Variants in QRICH2 observed in about 807,000 individuals in gnomAD.
QRICH2 encodes the protein glutamine rich 2, also known as glutamine-rich protein 2.
QRICH2 carries 119 observed loss-of-function variants against 168.3 expected under a neutral mutation model. The observed-to-expected ratio is 0.71, with a 90% CI of 0.61 to 0.82. The LOEUF (loss-of-function observed/expected upper bound fraction) is 0.82, where lower values mean the gene tolerates loss of function less well. QRICH2 is among the 40% of genes least tolerant of loss of function. The pLI is 0.00. For synonymous variants in QRICH2, 894 were observed against 951.2 expected (o/e 0.94, Z 1.11); for missense variants, 2,241 against 2,491.6 (o/e 0.90, Z 2.14).
chr17:76,307,859 C>G lies in QRICH2; in HGVS notation c.140G>C (p.Arg47Pro). 9.4e-6 allele frequency: 12 copies of G among 1,274,940 alleles called. No homozygotes were observed. The highest frequency in any genetic ancestry group is 1.2e-5 in the Non-Finnish European group (12 of 1,012,670). 79.0% of individuals were successfully genotyped at this position (1,274,940 alleles called of 1,614,324 possible). The change falls in exon 1 of 19, where the codon CGG becomes CCG. Residue 47 changes from arginine to proline, a missense_variant. This residue lies in a region of QRICH2 where 2,047 missense variants were observed against 2,303.8 expected (regional missense o/e 0.89). Transcript: ENST00000680821. This position sits in a 1 kb window ranked among gnomAD's most constrained non-coding sequence, Gnocchi z 5.3. ...MLKNLDLQNT[R>P]IDFQPSSPEP... Reference sequence around the variant, plus strand: ...GGGCGACGAGGGCTGGAAGTCGATCCGGGTATTTTGGAGGTCGAGGTTCTT... The same window carrying G: ...GGGCGACGAGGGCTGGAAGTCGATCGGGGTATTTTGGAGGTCGAGGTTCTT...
At chr17:76,283,077 C>T (rs1265362545) in intron 7 of QRICH2, among the ~76,000 whole-genome samples, 1 of 152,222 alleles carries the variant, frequency 6.6e-6, no homozygotes, top group African/African-American at 2.4e-5. Flanking sequence ...CCACGGCCTA[C>T]AGCTGCACAT....
Position 76,291,249 on chromosome 17 carries a change from A to G in QRICH2, c.3478T>C (p.Ser1160Pro). ...CCTTCTGATAAGACTCGGTCGACGGAGTCTGGACTCCTGAAAAGAGTGACA... is the reference window on the plus strand; with the variant it reads ...CCTTCTGATAAGACTCGGTCGACGGGGTCTGGACTCCTGAAAAGAGTGACA... ...QDVTLFRSPD[S>P]VDRVLSEGSE... The change falls in exon 4 of 19, where the codon TCC becomes CCC. Residue 1160 changes from serine to proline, a missense_variant. Physicochemically the swap from Ser to Pro is moderately conservative, Grantham distance 74 (BLOSUM62 -1). Transcript: ENST00000680821. The G allele has an allele frequency of 6.2e-7, 1 of 1,614,218 alleles. No homozygotes were observed. Among genetic ancestry groups the G allele is most frequent in the Non-Finnish European group, 8.5e-7 (1 of 1,180,038 alleles).
chr17:76,274,343 G>C, intron 18 of QRICH2, 83 bp from the exon 19 acceptor site: 1 of 1,416,434 alleles, frequency 7.1e-7, no homozygotes, highest in South Asian at 1.3e-5. Flanking sequence ...TGCCCAGGGA[G>C]GTTGAGAGCA....
At chr17:76,308,559 C>A, upstream of QRICH2, 4 of 903,296 alleles carry the variant, frequency 4.4e-6, no homozygotes, top group Non-Finnish European at 5.3e-6. Context: ...GAGTGGTGGC[C>A]CCATGTCTAT....
Position 76,307,791 on chromosome 17 carries a change from T to A in QRICH2, c.208A>T (p.Ile70Phe). Residue 70 changes from isoleucine (I) to phenylalanine (F), a missense_variant, in exon 1 of 19, where the codon ATC becomes TTC. By Grantham distance (21) the Ile-to-Phe change is conservative (BLOSUM62 0). Transcript: ENST00000680821. The surrounding 1 kb of genome is among the most constrained non-coding windows in gnomAD (Gnocchi z 5.3). ...TCCTTGGGCGCGGGCAGGTGCGGGA[T>A]GCTGAACGAGCTCCGGACGGACTGC... ...SLQSVRSSFSIPHLPAPKEVP... is the reference protein window; with the variant it reads ...SLQSVRSSFSFPHLPAPKEVP... 1 of 1,370,256 alleles carries A rather than the reference T, an allele frequency of 7.3e-7. No individual in the cohort carries two copies. Among genetic ancestry groups the A allele is most frequent in the Non-Finnish European group, 9.4e-7 (1 of 1,065,888 alleles). The allele number at this position is 1,370,256 out of a possible 1,614,324, so 84.9% of individuals were successfully genotyped here. A position where few individuals can be genotyped will look rare whatever the true frequency, so the allele number is the denominator to read the frequency against.
In QRICH2 at chr17:76,274,167, T is replaced by C. The variant is rs1456232694; in HGVS notation, c.5576A>G (p.Asn1859Ser). 6.3e-7 allele frequency: 1 copy of C among 1,583,450 alleles called. No homozygotes were observed. Among genetic ancestry groups the C allele is most frequent in the Non-Finnish European group, 8.5e-7 (1 of 1,170,360 alleles). The stretch of plus-strand genomic sequence containing the variant: ...GTCCACGTGCCTCTCCAGCCCCCTG[T>C]TTGCCACCGCGGCGGAGCTGGGCGG... Reference protein sequence around the residue: ...AHPPSSAAVANRGLERHVDMP... With the variant: ...AHPPSSAAVASRGLERHVDMP... The change falls in exon 19 of 19, where the codon AAC (asparagine) becomes AGC (serine). Residue 1859 changes from asparagine to serine, a missense_variant. Around this residue, in one of 3 missense-constraint regions of QRICH2, gnomAD observed 189 missense variants for 169.3 expected, o/e 1.12. Coordinates refer to ENST00000680821, the MANE Select transcript of QRICH2 (RefSeq NM_001388453.1).
chr17:76,306,356 G>T (rs996674789), intron 1 of QRICH2, among the ~76,000 whole-genome samples: 3 of 152,016 alleles, frequency 2.0e-5, no homozygotes, highest in Admixed American at 6.6e-5. Flanking sequence ...CTGGGGCTTG[G>T]CCTCTTCTTC....
chr17:76,277,357 T>C (rs774177518), intron 15 of QRICH2, 47 bp from the exon 16 acceptor site: 1 of 1,592,360 alleles, frequency 6.3e-7, no homozygotes, highest in East Asian at 2.3e-5. Flanking sequence ...CCACCAGGGA[T>C]GTCACCTGGG....
At chr17:76,295,516 T>C (rs979514534) in intron 3 of QRICH2, among the ~76,000 whole-genome samples, 1 of 151,760 alleles carries the variant, frequency 6.6e-6, no homozygotes, top group African/African-American at 2.4e-5. Context: ...ATTAGCCAGG[T>C]GTGGTACTGC....
chr17:76,286,294 A>C (rs182959111), intron 7 of QRICH2, among the ~76,000 whole-genome samples: 5 of 152,390 alleles, frequency 3.3e-5, no homozygotes, highest in Non-Finnish European at 7.3e-5. Context: ...GCATAGACGC[A>C]GAATGGAATG....
chr17:76,309,033 C>T (rs2071034282), upstream of QRICH2, among the ~76,000 whole-genome samples: 1 of 149,440 alleles, frequency 6.7e-6, no homozygotes, highest in Non-Finnish European at 1.5e-5. Context: ...AGGTGTAAGC[C>T]ACCGCGCCCA....
At chr17:76,277,400 G>A in intron 15 of QRICH2, 90 bp from the exon 16 acceptor site, 1 of 1,449,334 alleles carries the variant, frequency 6.9e-7, no homozygotes, top group South Asian at 1.2e-5. Flanking sequence ...CCAGAGGGAA[G>A]GGGCACAGCT....
chr17:76,280,200 A>AG lies in QRICH2; in HGVS notation c.4627-47dup. 1 of 1,608,328 alleles carries AG rather than the reference A, an allele frequency of 6.2e-7. No individual in the cohort carries two copies. The highest frequency in any genetic ancestry group is 8.5e-7 in the Non-Finnish European group (1 of 1,176,428). On this transcript the variant is annotated intron_variant, in intron 11 of 18. Transcript: ENST00000680821. The surrounding 1 kb of genome is among the most constrained non-coding windows in gnomAD (Gnocchi z 7.4). Reference sequence around the variant, plus strand: ...CCAGGGGACCTCTAAGGAAGCAGGTAGGGGGCTGACCCAGGAGAAGGTGGT... The same window carrying AG: ...CCAGGGGACCTCTAAGGAAGCAGGTAGGGGGGCTGACCCAGGAGAAGGTGGT...
At chr17:76,277,494 C>T (rs2070703959) in intron 15 of QRICH2, among the ~76,000 whole-genome samples, 184 bp from the exon 16 acceptor site, 1 of 152,004 alleles carries the variant, frequency 6.6e-6, no homozygotes, top group African/African-American at 2.4e-5. Flanking sequence ...GCCGGGCCAC[C>T]CCAGTGACTG....
chr17:76,308,333 C>T (rs538230636), upstream of QRICH2: 11 of 985,424 alleles, frequency 1.1e-5, no homozygotes, highest in African/African-American at 8.7e-5. Context: ...CGCCTCCCTG[C>T]GAGCCACGGG....
Position 76,293,758 on chromosome 17 carries a change from G to A in QRICH2, c.969C>T (p.Gly323=), listed in dbSNP as rs6501881. The change falls in exon 4 of 19, where the codon GGC becomes GGT. Residue 323 remains glycine, a synonymous_variant. Coordinates refer to ENST00000680821, the MANE Select transcript of QRICH2 (RefSeq NM_001388453.1). Reference sequence around the variant, plus strand: ...TAGAAGACTGATGGAGTCGTGGCACGCCAGCTTCATCACGGGCCCTCGGCT... The same window carrying A: ...TAGAAGACTGATGGAGTCGTGGCACACCAGCTTCATCACGGGCCCTCGGCT... The part of the protein sequence containing the change: ...QQQPRARDEA[G]VPRLHQSSTF... 514,244 of 1,613,308 alleles carry A rather than the reference G, an allele frequency of 0.32. 89,744 individuals carry two copies. Among genetic ancestry groups the A allele is most frequent in the African/African-American group, 0.66 (49,616 of 74,934 alleles).
intron 14 of QRICH2, 22 bp from the exon 15 acceptor site, chr17:76,278,211 G>C (rs1170227537): frequency 7.5e-6 from 12 of 1,598,416 alleles, no homozygotes; most frequent in Non-Finnish European, 1.0e-5. Flanking sequence ...GAGCAGAACA[G>C]AGGGAGGGTT....
Position 76,293,880 on chromosome 17 carries a change from G to A in QRICH2, c.847C>T (p.Arg283Trp), listed in dbSNP as rs536269106. 3 of 1,614,018 alleles carry A rather than the reference G, an allele frequency of 1.9e-6. No individual in the cohort carries two copies. The highest frequency in any genetic ancestry group is 1.3e-5 in the African/African-American group (1 of 74,912). ...GTGCCACCAGATCCTGATGCAGTCC[G>A]ATCCGGGCCAAGACCACTGGCAGAA... ...LDSASGLGPD[R>W]TASGSGGTAH... is the part of the protein sequence containing the mutation. The change falls in exon 4 of 19, where the codon CGG (arginine) becomes TGG (tryptophan). Residue 283 changes from arginine (R) to tryptophan (W), a missense_variant. This residue lies in a region of QRICH2 where 2,047 missense variants were observed against 2,303.8 expected (regional missense o/e 0.89). Coordinates refer to ENST00000680821, the MANE Select transcript of QRICH2 (RefSeq NM_001388453.1).
chr17:76,281,810 T>C lies in QRICH2; in HGVS notation c.4263+54A>G. 6.3e-7 allele frequency: 1 copy of C among 1,590,066 alleles called. No individual in the cohort carries two copies. The highest frequency in any genetic ancestry group is 8.6e-7 in the Non-Finnish European group (1 of 1,163,120). ...CTGTGGGTCTGCAGCAGGGTGGCCC[T>C]CCTCTGTGGGGCCATGTCCAGTTGC... On this transcript the variant is annotated intron_variant, in intron 8 of 18. Coordinates refer to ENST00000680821, the MANE Select transcript of QRICH2 (RefSeq NM_001388453.1). The surrounding 1 kb of genome is among the most constrained non-coding windows in gnomAD (Gnocchi z 4.4).
Sources: allele counts gnomAD v4.1 joint callset (sites outside exome capture counted in the v4.1 genomes callset), GRCh38; gene constraint gnomAD v4.1.1; regional missense constraint gnomAD v4.1.1; non-coding constraint Gnocchi (gnomAD v3.1); transcripts MANE v1.5; gene names NCBI Gene and HGNC (gene_info 2026-07-23, HGNC 2026-07-21).